AGBL4: variants seen among roughly 807,000 people sequenced by gnomAD.
AGBL4 encodes cytosolic carboxypeptidase 6.
In AGBL4, 58 loss-of-function variants were observed where a neutral mutation model predicts 66.4. The ratio of observed to expected loss-of-function variants is 0.87; its 90% confidence interval spans 0.71 to 1.09. AGBL4 has a LOEUF of 1.09. AGBL4 is among the 50% of genes least tolerant of loss of function. The pLI is 0.00. For synonymous variants in AGBL4, 234 were observed against 222.9 expected, an observed-to-expected ratio of 1.05 and a Z score of -0.44; for missense variants, 579 against 631.0, an observed-to-expected ratio of 0.92 and a Z score of 0.88.
rs570030488 is a variant in AGBL4 at position 49,168,968 on chromosome 1, T to C, written c.377+76802A>G. On this transcript the variant is annotated intron_variant, in intron 4 of 13. Coordinates refer to ENST00000371839, the MANE Select transcript of AGBL4 (RefSeq NM_032785.4). ...CTTTATAGGGCACATTTTTCACTAA[T>C]GGGAAATGAGAAAGACTGAGAAACA... is the stretch of plus-strand genomic sequence containing the variant. 3.9e-5 allele frequency among the ~76,000 whole-genome samples: 6 copies of C among 152,304 alleles called. No homozygotes were observed. The South Asian group carries it at 1.0e-3, about 26-fold the overall frequency.
chr1:49,359,787 A>G (rs1644098798), intron 3 of AGBL4, among the ~76,000 whole-genome samples: 1 of 152,148 alleles, frequency 6.6e-6, no homozygotes, highest in Non-Finnish European at 1.5e-5. Flanking sequence ...ATGTACCCAC[A>G]GGCTCTGACT....
intron 5 of AGBL4, among the ~76,000 whole-genome samples, chr1:48,930,316 C>CT (rs1290564537): frequency 1.3e-5 from 2 of 152,034 alleles, no homozygotes; most frequent in African/African-American, 4.8e-5. Context: ...AGTTCTAACT[C>CT]TTTTCTCTCT....
intron 5 of AGBL4, among the ~76,000 whole-genome samples, chr1:48,874,966 G>C (rs1165103228): frequency 6.6e-6 from 1 of 152,068 alleles, no homozygotes; most frequent in Non-Finnish European, 1.5e-5. Context: ...GGGCAGCATG[G>C]CTTTCCCAGA....
intron 6 of AGBL4, among the ~76,000 whole-genome samples, chr1:48,854,435 T>C (rs1450572223): frequency 1.3e-5 from 2 of 152,210 alleles, no homozygotes; most frequent in African/African-American, 4.8e-5. Context: ...GTCCCTTCAC[T>C]GCCCAGAGAT....
intron 3 of AGBL4, among the ~76,000 whole-genome samples, chr1:49,460,762 T>C (rs1035177613): frequency 4.0e-5 from 6 of 151,784 alleles, no homozygotes; most frequent in African/African-American, 1.2e-4. Flanking sequence ...AGACTTAGAG[T>C]TCTTTTTAGC....
chr1:49,459,513 T>C (rs1335008254), intron 3 of AGBL4, among the ~76,000 whole-genome samples: 1 of 151,696 alleles, frequency 6.6e-6, no homozygotes, highest in Non-Finnish European at 1.5e-5. Flanking sequence ...GTATCTCCCA[T>C]TTCGTTTCTA....
intron 4 of AGBL4, among the ~76,000 whole-genome samples, chr1:49,155,217 T>C (rs998128881): frequency 5.3e-5 from 8 of 152,194 alleles, no homozygotes; most frequent in African/African-American, 1.9e-4. Context: ...TCTTACCTTT[T>C]TACAGATTAA....
At chr1:48,784,371 AT>A (rs1645363849) in intron 6 of AGBL4, among the ~76,000 whole-genome samples, 1 of 152,210 alleles carries the variant, frequency 6.6e-6, no homozygotes. Context: ...AATGCTAATG[AT>A]AATCCAACAA....
At chr1:48,537,003 A>C (rs1370933061) in intron 12 of AGBL4, among the ~76,000 whole-genome samples, 2 of 152,228 alleles carry the variant, frequency 1.3e-5, no homozygotes, top group Non-Finnish European at 2.9e-5. Context: ...AGAAAGTGAC[A>C]TATTGTAATT....
rs565023964 is a variant in AGBL4 at position 49,256,675 on chromosome 1, G to T, written c.283-10811C>A. ...TAAAAGTTGATAATTTAATCAGAAC[G>T]TTTATATAGGAGTGCAGAAGGCCAA... On this transcript the variant is annotated intron_variant, in intron 3 of 13. Coordinates refer to ENST00000371839, the MANE Select transcript of AGBL4 (RefSeq NM_032785.4). 7.1e-4 allele frequency among the ~76,000 whole-genome samples: 108 copies of T among 152,256 alleles called. No homozygotes were observed. The Middle Eastern group carries it at 0.01, about 14-fold the overall frequency.
intron 4 of AGBL4, among the ~76,000 whole-genome samples, chr1:49,115,348 T>C (rs1191809262): frequency 6.6e-6 from 1 of 152,302 alleles, no homozygotes. Context: ...AAAGAGAATA[T>C]TATAAAATTC....
intron 9 of AGBL4, among the ~76,000 whole-genome samples, chr1:48,617,417 C>G (rs576677162): frequency 3.9e-4 from 59 of 152,314 alleles, no homozygotes; most frequent in Admixed American, 9.8e-4. Context: ...CCACAAACCT[C>G]TAACAGTTGC....
intron 3 of AGBL4, among the ~76,000 whole-genome samples, chr1:49,693,836 C>T (rs919970498): frequency 5.9e-5 from 9 of 152,116 alleles, no homozygotes; most frequent in South Asian, 2.1e-4. Flanking sequence ...CACACAAGTG[C>T]TCTCAGCTGC....
intron 3 of AGBL4, among the ~76,000 whole-genome samples, chr1:49,418,126 G>C (rs1304072188): frequency 6.6e-6 from 1 of 151,918 alleles, no homozygotes; most frequent in African/African-American, 2.4e-5. Flanking sequence ...ATAACCTTTG[G>C]GTAGCTCTGC....
intron 1 of AGBL4, among the ~76,000 whole-genome samples, chr1:49,910,191 G>A (rs1260404107): frequency 6.6e-6 from 1 of 152,146 alleles, no homozygotes; most frequent in Non-Finnish European, 1.5e-5. Flanking sequence ...AAACAAACAA[G>A]TGAAACATCA....
At chr1:49,514,917 C>T (rs1285359661) in intron 3 of AGBL4, among the ~76,000 whole-genome samples, 4 of 152,006 alleles carry the variant, frequency 2.6e-5, no homozygotes, top group Admixed American at 6.6e-5. Context: ...AATGTTAGAC[C>T]TGAAACCATA....
chr1:48,846,982 GAAACAA>G (rs201015943), intron 6 of AGBL4, among the ~76,000 whole-genome samples: 12 of 151,462 alleles, frequency 7.9e-5, no homozygotes, highest in African/African-American at 2.4e-4. Flanking sequence ...TTACCCAGTT[GAAACAA>G]AAACAAAAAC....
At chr1:49,715,857 T>G (rs1398636064) in intron 2 of AGBL4, among the ~76,000 whole-genome samples, 1 of 152,208 alleles carries the variant, frequency 6.6e-6, no homozygotes, top group African/African-American at 2.4e-5. Flanking sequence ...TTTGGCCCTA[T>G]GTCATATGGA....
intron 5 of AGBL4, among the ~76,000 whole-genome samples, chr1:49,036,133 CAG>C (rs1279123442): frequency 1.3e-5 from 2 of 150,054 alleles, no homozygotes; most frequent in Non-Finnish European, 3.0e-5. Flanking sequence ...GAAAAAAAAA[CAG>C]AAATAAATTT....
Sources: gnomAD v4.1 joint callset for allele counts (sites outside exome capture counted in the v4.1 genomes callset) on GRCh38, gnomAD v4.1.1 for gene constraint, MANE v1.5 for transcripts, NCBI Gene and HGNC (gene_info 2026-07-23, HGNC 2026-07-21) for gene names.